SLC39A10: variants seen among roughly 807,000 people sequenced by gnomAD.
The protein encoded by SLC39A10 is solute carrier family 39 member 10.
In SLC39A10, 13 loss-of-function variants were observed where a neutral mutation model predicts 65.1. The observed-to-expected ratio is 0.20, with a 90% CI of 0.13 to 0.32. The LOEUF (loss-of-function observed/expected upper bound fraction) is 0.32, where lower values mean the gene tolerates loss of function less well. Ranked by LOEUF, SLC39A10 falls within the 10% of genes least tolerant of loss-of-function variation. The pLI is 1.00. For missense variants in SLC39A10, 831 were observed against 1,018.4 expected, an observed-to-expected ratio of 0.82 and a Z score of 2.50; for synonymous variants, 321 against 342.2, an observed-to-expected ratio of 0.94 and a Z score of 0.68.
intron 3 of SLC39A10, among the ~76,000 whole-genome samples, chr2:195,703,708 C>T (rs1691286743): frequency 6.6e-6 from 1 of 152,160 alleles, no homozygotes; most frequent in African/African-American, 2.4e-5. Context: ...GGCTGGAGTG[C>T]AGTGGCATGA....
At chr2:195,708,939 T>C in intron 5 of SLC39A10, 95 bp downstream of exon 5, 1 of 916,664 alleles carries the variant, frequency 1.1e-6, no homozygotes, top group East Asian at 2.8e-5. Context: ...ATGATGTTGG[T>C]GTGTATTAAG....
upstream of SLC39A10, among the ~76,000 whole-genome samples, chr2:195,655,412 A>G (rs1689125406): frequency 6.6e-6 from 1 of 152,222 alleles, no homozygotes; most frequent in Non-Finnish European, 1.5e-5. Flanking sequence ...TATCTTATTG[A>G]TATTTGAAAG....
intron 2 of SLC39A10, among the ~76,000 whole-genome samples, 191 bp downstream of exon 2, chr2:195,681,241 A>C (rs1190908539): frequency 6.6e-6 from 1 of 152,166 alleles, no homozygotes; most frequent in Non-Finnish European, 1.5e-5. Context: ...AAAGATTTTT[A>C]AGTATCCGGG....
chr2:195,644,058 A>G (rs1688860687), intron 2 of SLC39A10, among the ~76,000 whole-genome samples: 1 of 152,232 alleles, frequency 6.6e-6, no homozygotes, highest in Non-Finnish European at 1.5e-5. Context: ...AAAGTATCAA[A>G]ACAAATAAAA....
chr2:195,725,996 TG>T (rs1692224125), intron 8 of SLC39A10, among the ~76,000 whole-genome samples: 1 of 152,228 alleles, frequency 6.6e-6, no homozygotes, highest in East Asian at 1.9e-4. Flanking sequence ...TAGAGTTTAA[TG>T]GTGTTTATGG....
chr2:195,700,640 A>C (rs1215937725), intron 3 of SLC39A10, among the ~76,000 whole-genome samples: 1 of 152,144 alleles, frequency 6.6e-6, no homozygotes, highest in African/African-American at 2.4e-5. Flanking sequence ...TTACTTGGGA[A>C]TGTCTTAGTT....
At chr2:195,679,887 C>A (rs1250028039) in intron 1 of SLC39A10, 145 bp from the exon 2 acceptor site, 3 of 574,114 alleles carry the variant, frequency 5.2e-6, no homozygotes, top group Non-Finnish European at 8.5e-6. Context: ...GACAGTTTCA[C>A]TTTTCTCTGG....
At chr2:195,691,730 GGTTT>G (rs1411194716) in intron 3 of SLC39A10, among the ~76,000 whole-genome samples, 1 of 152,080 alleles carries the variant, frequency 6.6e-6, no homozygotes, top group African/African-American at 2.4e-5. Flanking sequence ...TTCTCTTGCT[GGTTT>G]GTTTCAGTTC....
intron 2 of SLC39A10, among the ~76,000 whole-genome samples, chr2:195,635,179 G>A (rs556728536): frequency 1.4e-3 from 210 of 152,334 alleles, no homozygotes; most frequent in African/African-American, 4.5e-3. Context: ...CTCTTGGGCA[G>A]GTTATTTCTA....
At chr2:195,731,815 C>T (rs1692441039) in intron 9 of SLC39A10, among the ~76,000 whole-genome samples, 3 of 152,088 alleles carry the variant, frequency 2.0e-5, no homozygotes, top group African/African-American at 4.8e-5. Context: ...GGGGAAGGGT[C>T]GTATGAGGAA....
intron 2 of SLC39A10, among the ~76,000 whole-genome samples, chr2:195,630,236 T>A (rs1292375108): frequency 2.6e-5 from 4 of 151,526 alleles, no homozygotes; most frequent in Non-Finnish European, 4.4e-5. Flanking sequence ...AAGTTGGGGT[T>A]CCCACAACCC....
At chr2:195,651,517 C>T (rs548472360) in intron 2 of SLC39A10, among the ~76,000 whole-genome samples, 9 of 152,264 alleles carry the variant, frequency 5.9e-5, no homozygotes, top group Admixed American at 6.5e-5. Flanking sequence ...CCATGTCACC[C>T]AGGCTGGAAA....
intron 9 of SLC39A10, among the ~76,000 whole-genome samples, chr2:195,732,345 C>T (rs1294412564): frequency 1.3e-5 from 2 of 152,092 alleles, no homozygotes; most frequent in Admixed American, 6.5e-5. Flanking sequence ...ATAGGATAAC[C>T]AGGTGGAAGT....
intron 8 of SLC39A10, among the ~76,000 whole-genome samples, chr2:195,727,898 G>A (rs1488001094): frequency 6.6e-6 from 1 of 151,896 alleles, no homozygotes; most frequent in Non-Finnish European, 1.5e-5. Context: ...ACCACTAACT[G>A]TTCTTCATTA....
chr2:195,693,777 G>A (rs1300962263), intron 3 of SLC39A10, among the ~76,000 whole-genome samples: 1 of 151,788 alleles, frequency 6.6e-6, no homozygotes, highest in East Asian at 1.9e-4. Context: ...CTTTTGTATT[G>A]TTGTTTGTTT....
chr2:195,702,575 C>T (rs912985269), intron 3 of SLC39A10, among the ~76,000 whole-genome samples: 1 of 152,222 alleles, frequency 6.6e-6, no homozygotes, highest in East Asian at 1.9e-4. Flanking sequence ...ACTCCACAGT[C>T]TTTCCAGAAT....
rs1691838744 is a variant in SLC39A10 at position 195,717,017 on chromosome 2, G to A, written c.2065+12G>A. On this transcript the variant is annotated intron_variant, in intron 7 of 9. Transcript: ENST00000359634. ...TGGGCTCGCAATTGGTAAGTGGACT[G>A]GAAACCACTGTCTATGCTAATCTTA... 6.2e-7 allele frequency: 1 copy of A among 1,609,636 alleles called. No homozygotes were observed. The highest frequency in any genetic ancestry group is 8.5e-7 in the Non-Finnish European group (1 of 1,177,736).
intron 1 of SLC39A10, among the ~76,000 whole-genome samples, chr2:195,662,898 A>G (rs1689463163): frequency 6.6e-6 from 1 of 152,216 alleles, no homozygotes; most frequent in Non-Finnish European, 1.5e-5. Flanking sequence ...TGATCAATTC[A>G]TAGGTAATGT....
At position 195,737,601 on chromosome 2, in the gene SLC39A10, C is replaced by CTGTT. The variant is rs1343898755; in HGVS notation, c.*2562_*2565dup. The CTGTT allele has an allele frequency of 2.7e-5, 3 of 109,852 alleles. No homozygotes were observed. Among genetic ancestry groups the CTGTT allele is most frequent in the East Asian group, 3.1e-4 (2 of 6,366 alleles). The allele number at this position is 109,852 out of a possible 1,614,324, so 6.8% of individuals were successfully genotyped here. On this transcript the variant is annotated 3_prime_UTR_variant, in exon 10 of 10. Coordinates refer to ENST00000359634, the MANE Select transcript of SLC39A10 (RefSeq NM_020342.3). ...TTAAAAAGCTGGAAAATATCAAATG[C>CTGTT]TGTTTTTTTTTTTTCATTGTCAACA...
Sources: gnomAD v4.1 joint callset for allele counts (sites outside exome capture counted in the v4.1 genomes callset) on GRCh38, gnomAD v4.1.1 for gene constraint, MANE v1.5 for transcripts, NCBI Gene and HGNC (gene_info 2026-07-23, HGNC 2026-07-21) for gene names.